The following THRB variants were observed in gnomAD, a reference collection of about 807,000 sequenced individuals.
THRB encodes nuclear receptor subfamily 1 group A member 2.
Under a neutral mutation model 47.8 loss-of-function variants are expected in THRB, and 12 were observed. The ratio of observed to expected loss-of-function variants is 0.25; its 90% CI spans 0.16 to 0.41. THRB has a LOEUF of 0.41. Among genes scored for constraint, THRB ranks in the 10% least tolerant of loss-of-function variants. THRB has a pLI of 1.00. For missense variants in THRB, 348 were observed against 589.2 expected, an observed-to-expected ratio of 0.59 and a Z score of 4.24; for synonymous variants, 218 against 212.2, an observed-to-expected ratio of 1.03 and a Z score of -0.24.
intron 2 of THRB, among the ~76,000 whole-genome samples, chr3:24,330,624 T>C (rs201201318): frequency 6.6e-6 from 1 of 152,218 alleles, no homozygotes; most frequent in East Asian, 1.9e-4. Flanking sequence ...TACGTAAGTG[T>C]GTAGGCATCT....
chr3:24,311,299 T>A (rs1345778802), intron 2 of THRB, among the ~76,000 whole-genome samples: 6 of 152,194 alleles, frequency 3.9e-5, no homozygotes, highest in African/African-American at 1.4e-4. Context: ...AACTAGAAGA[T>A]GCAATATTTC....
intron 1 of THRB, among the ~76,000 whole-genome samples, chr3:24,466,266 T>C (rs2074148605): frequency 6.6e-6 from 1 of 152,134 alleles, no homozygotes. Context: ...TTTTTTTTCC[T>C]CTTATTTACC....
intron 2 of THRB, among the ~76,000 whole-genome samples, chr3:24,298,100 A>G (rs997970151): frequency 1.3e-5 from 2 of 152,230 alleles, no homozygotes; most frequent in African/African-American, 4.8e-5. Context: ...AATGTTGTGC[A>G]TATGAAATGT....
intron 3 of THRB, among the ~76,000 whole-genome samples, chr3:24,293,467 A>G (rs2056152726): frequency 1.3e-5 from 2 of 152,230 alleles, no homozygotes; most frequent in African/African-American, 2.4e-5. Flanking sequence ...CAAACATGCA[A>G]AAAAGAAAAG....
chr3:24,439,212 G>T (rs1410703390), intron 1 of THRB, among the ~76,000 whole-genome samples: 1 of 152,144 alleles, frequency 6.6e-6, no homozygotes, highest in African/African-American at 2.4e-5. Flanking sequence ...AGATGTCATT[G>T]TCAAGGGCAA....
intron 1 of THRB, among the ~76,000 whole-genome samples, chr3:24,353,118 G>T (rs1173573899): frequency 6.6e-6 from 1 of 151,748 alleles, no homozygotes; most frequent in East Asian, 1.9e-4. Flanking sequence ...GTGAAACATG[G>T]ATTCTTACCC....
intron 2 of THRB, among the ~76,000 whole-genome samples, chr3:24,324,328 T>C (rs1347953598): frequency 6.6e-6 from 1 of 152,170 alleles, no homozygotes; most frequent in Non-Finnish European, 1.5e-5. Context: ...CTTCTCTTCT[T>C]TAGAGTAATG....
chr3:24,482,905 G>C lies in THRB; in HGVS notation c.-261+11747C>G, dbSNP rs186896585. ...TAAAAAATATTTAAACTCAGAAATAGGCTTGTGAAGTAGAAGACAGCCTTA... is the reference window on the plus strand; with the variant it reads ...TAAAAAATATTTAAACTCAGAAATACGCTTGTGAAGTAGAAGACAGCCTTA... On this transcript the variant is annotated intron_variant, in intron 1 of 10. Transcript: ENST00000646209. 2.6e-5 allele frequency among the ~76,000 whole-genome samples: 4 copies of C among 152,240 alleles called. No individual in the cohort carries two copies. The East Asian group carries it at 7.7e-4, about 29-fold the overall frequency.
intron 1 of THRB, among the ~76,000 whole-genome samples, chr3:24,491,207 C>T (rs138836093): frequency 2.5e-4 from 38 of 152,196 alleles, no homozygotes; most frequent in African/African-American, 7.2e-4. Flanking sequence ...AATTATCTTC[C>T]CTCCTCTACA....
intron 1 of THRB, among the ~76,000 whole-genome samples, chr3:24,411,450 A>G (rs939072976): frequency 1.1e-4 from 17 of 151,748 alleles, no homozygotes; most frequent in African/African-American, 3.6e-4. Flanking sequence ...GTCATATTTA[A>G]ATCACATGGC....
At chr3:24,454,091 T>C (rs1253823406) in intron 1 of THRB, among the ~76,000 whole-genome samples, 14 of 152,198 alleles carry the variant, frequency 9.2e-5, no homozygotes, top group Non-Finnish European at 1.5e-5. Context: ...GAAACTTGTA[T>C]CTTGAATATA....
At chr3:24,269,379 T>G in intron 3 of THRB, among the ~76,000 whole-genome samples, 1 of 125,132 alleles carries the variant, frequency 8.0e-6, no homozygotes, top group African/African-American at 3.2e-5. Context: ...TAGCTCATCA[T>G]AGCTCACACG....
chr3:24,233,556 AAAGG>A (rs751202991), intron 3 of THRB, among the ~76,000 whole-genome samples: 2 of 32,130 alleles, frequency 6.2e-5, no homozygotes, highest in Admixed American at 2.9e-4. Flanking sequence ...AAAGAAAGAA[AAAGG>A]AAGAAAGAAA....
chr3:24,466,474 C>T (rs1160424024), intron 1 of THRB, among the ~76,000 whole-genome samples: 5 of 152,040 alleles, frequency 3.3e-5, no homozygotes, highest in East Asian at 1.9e-4. Context: ...GGTAGGGTTC[C>T]GGAAACCCAG....
At chr3:24,149,238 C>T (rs1488030087) in intron 6 of THRB, among the ~76,000 whole-genome samples, 1 of 152,138 alleles carries the variant, frequency 6.6e-6, no homozygotes. Context: ...GGGTAGCACG[C>T]CTCCTTCTGG....
intron 1 of THRB, among the ~76,000 whole-genome samples, chr3:24,415,600 T>A (rs2068670450): frequency 6.6e-6 from 1 of 151,872 alleles, no homozygotes; most frequent in Non-Finnish European, 1.5e-5. Context: ...AACAATTTTT[T>A]AATGAATTCA....
chr3:24,136,975 A>C (rs937358487), intron 8 of THRB, among the ~76,000 whole-genome samples: 6 of 152,132 alleles, frequency 3.9e-5, no homozygotes, highest in African/African-American at 1.2e-4. Context: ...TTTTCTCTTC[A>C]AGACCCAACT....
chr3:24,343,932 T>C (rs1053698914), intron 1 of THRB, among the ~76,000 whole-genome samples: 1 of 147,326 alleles, frequency 6.8e-6, no homozygotes. Flanking sequence ...ATATATTATT[T>C]ATTTATATAT....
chr3:24,431,279 C>A (rs569588744), intron 1 of THRB, among the ~76,000 whole-genome samples: 12 of 151,684 alleles, frequency 7.9e-5, no homozygotes, highest in Non-Finnish European at 1.5e-4. Flanking sequence ...CACACACACA[C>A]ACACACACAC....
Sources: gnomAD v4.1 joint callset for allele counts (sites outside exome capture counted in the v4.1 genomes callset) on GRCh38, gnomAD v4.1.1 for gene constraint, MANE v1.5 for transcripts, NCBI Gene and HGNC (gene_info 2026-07-23, HGNC 2026-07-21) for gene names.